Variants in MMP16 observed in about 807,000 individuals in gnomAD.
The protein encoded by MMP16 is matrix metalloproteinase-16.
In MMP16, 12 loss-of-function variants were observed where a neutral mutation model predicts 67.8. The ratio of observed to expected loss-of-function variants is 0.18; its 90% CI spans 0.11 to 0.29. MMP16 has a LOEUF of 0.29. Among genes scored for constraint, MMP16 ranks in the 10% least tolerant of loss-of-function variants. The pLI is 1.00. For synonymous variants in MMP16, 249 were observed against 255.9 expected, an observed-to-expected ratio of 0.97 and a Z score of 0.26; for missense variants, 475 against 765.7, an observed-to-expected ratio of 0.62 and a Z score of 4.48.
intron 6 of MMP16, among the ~76,000 whole-genome samples, chr8:88,089,300 C>G (rs1808894380): frequency 6.6e-6 from 1 of 151,894 alleles, no homozygotes; most frequent in African/African-American, 2.4e-5. Context: ...ACGTATCACA[C>G]AAAAGGAAAG....
At chr8:88,103,956 A>G (rs990465649) in intron 6 of MMP16, among the ~76,000 whole-genome samples, 4 of 151,834 alleles carry the variant, frequency 2.6e-5, no homozygotes, top group African/African-American at 9.7e-5. Flanking sequence ...AGGTTAAATT[A>G]TATTATTGAA....
intron 6 of MMP16, among the ~76,000 whole-genome samples, chr8:88,108,564 T>C (rs141452142): frequency 2.0e-5 from 3 of 151,402 alleles, no homozygotes; most frequent in Non-Finnish European, 4.4e-5. Flanking sequence ...CCTGAAAAAC[T>C]GAGGACTGAA....
chr8:88,072,982 G>A (rs1462752227), intron 7 of MMP16, among the ~76,000 whole-genome samples: 2 of 152,162 alleles, frequency 1.3e-5, no homozygotes, highest in African/African-American at 4.8e-5. Flanking sequence ...AAGGCCCCGA[G>A]GCCATAAAGA....
rs193143097 is a variant in MMP16 at position 88,282,467 on chromosome 8, T to C, written c.132+44608A>G. Among the ~76,000 whole-genome samples the C allele has an allele frequency of 3.5e-3, 530 of 152,334 alleles. 4 individuals carry two copies. The highest frequency in any genetic ancestry group is 4.7e-3 in the Non-Finnish European group (320 of 68,030). On this transcript the variant is annotated intron_variant, in intron 1 of 9. Coordinates refer to ENST00000286614, the MANE Select transcript of MMP16 (RefSeq NM_005941.5). ...TTCAATAGAATCTATGAGGGTTCTG[T>C]AGGAATACTAAAACATATTAAAAAC... is the stretch of plus-strand genomic sequence containing the variant.
intron 4 of MMP16, among the ~76,000 whole-genome samples, chr8:88,165,707 A>G (rs551111894): frequency 7.2e-5 from 11 of 152,240 alleles, no homozygotes; most frequent in Admixed American, 3.9e-4. Context: ...TTATTATTAG[A>G]TGCTCAGGTA....
At chr8:88,256,370 G>A (rs1191667387) in intron 1 of MMP16, among the ~76,000 whole-genome samples, 1 of 151,948 alleles carries the variant, frequency 6.6e-6, no homozygotes, top group Non-Finnish European at 1.5e-5. Context: ...AAAACTGAAT[G>A]GTCAAATCGA....
chr8:88,142,084 T>C (rs1220827146), intron 4 of MMP16, among the ~76,000 whole-genome samples: 1 of 151,720 alleles, frequency 6.6e-6, no homozygotes, highest in African/African-American at 2.4e-5. Flanking sequence ...TTTTTTTTTG[T>C]ATTTTAGTAG....
chr8:88,258,818 C>G (rs1440708527), intron 1 of MMP16, among the ~76,000 whole-genome samples: 1 of 152,126 alleles, frequency 6.6e-6, no homozygotes, highest in Non-Finnish European at 1.5e-5. Context: ...AGTTGGAATA[C>G]TGCAGAAAGA....
chr8:88,206,686 T>C (rs185491651), intron 1 of MMP16, among the ~76,000 whole-genome samples: 99 of 152,370 alleles, frequency 6.5e-4, no homozygotes, highest in Non-Finnish European at 9.0e-4. Flanking sequence ...CAGTGTTTAA[T>C]ATCAGAAGTG....
chr8:88,240,969 C>T (rs1463406062), intron 1 of MMP16, among the ~76,000 whole-genome samples: 1 of 152,022 alleles, frequency 6.6e-6, no homozygotes, highest in Middle Eastern at 3.2e-3. Context: ...ATTGTTTCCT[C>T]CTTTCTACAT....
chr8:88,157,537 T>G (rs1411390692), intron 4 of MMP16, among the ~76,000 whole-genome samples: 1 of 151,950 alleles, frequency 6.6e-6, no homozygotes, highest in Non-Finnish European at 1.5e-5. Flanking sequence ...AGTCATGTGT[T>G]GATGCTAAGC....
At chr8:88,173,337 C>G (rs1459277982) in intron 3 of MMP16, among the ~76,000 whole-genome samples, 4 of 152,090 alleles carry the variant, frequency 2.6e-5, no homozygotes, top group African/African-American at 4.8e-5. Context: ...CAGTTGTGAG[C>G]CACCGGTCCC....
chr8:88,303,529 G>A (rs1811165027), intron 1 of MMP16, among the ~76,000 whole-genome samples: 1 of 152,182 alleles, frequency 6.6e-6, no homozygotes, highest in Admixed American at 6.5e-5. Context: ...CCCAACAGGG[G>A]TCTCCAGACA....
Position 88,039,397 on chromosome 8 carries a change from T to C in MMP16, c.*2064A>G, listed in dbSNP as rs1808101244. The C allele has an allele frequency of 6.6e-6, 1 of 152,484 alleles. No homozygotes were observed. The highest frequency in any genetic ancestry group is 1.5e-5 in the Non-Finnish European group (1 of 68,026). The allele number at this position is 152,484 out of a possible 1,614,324, so 9.4% of individuals were successfully genotyped here. A position where few individuals can be genotyped will look rare whatever the true frequency, so the allele number is the denominator to read the frequency against. ...AAAGTGTCCATCTGCAGATCTGCCA[T>C]CACCACTCTCTCCACTCTAAGGAAA... On this transcript the variant is annotated 3_prime_UTR_variant, in exon 10 of 10. Transcript: ENST00000286614. The surrounding 1 kb of genome is among the most constrained non-coding windows in gnomAD (Gnocchi z 4.5).
At chr8:88,154,418 G>A (rs1331039369) in intron 4 of MMP16, among the ~76,000 whole-genome samples, 9 of 140,246 alleles carry the variant, frequency 6.4e-5, no homozygotes, top group Non-Finnish European at 1.1e-4. Context: ...ACATGCACAC[G>A]TATGTTTATT....
At chr8:88,266,015 C>T in intron 1 of MMP16, among the ~76,000 whole-genome samples, 1 of 152,208 alleles carries the variant, frequency 6.6e-6, no homozygotes, top group East Asian at 1.9e-4. Context: ...AGAGCTTGCT[C>T]TATCCATATT....
chr8:88,223,558 T>C (rs1230738056), intron 1 of MMP16, among the ~76,000 whole-genome samples: 1 of 151,416 alleles, frequency 6.6e-6, no homozygotes, highest in Admixed American at 6.6e-5. Context: ...TGGATGAAGC[T>C]GGAAACCATC....
intron 1 of MMP16, among the ~76,000 whole-genome samples, chr8:88,270,196 TA>T (rs1400728583): frequency 6.6e-6 from 1 of 152,174 alleles, no homozygotes; most frequent in Non-Finnish European, 1.5e-5. Context: ...ACAGGATTAT[TA>T]AAATGCAGTA....
intron 4 of MMP16, among the ~76,000 whole-genome samples, chr8:88,163,599 C>T (rs553168250): frequency 4.6e-5 from 7 of 151,864 alleles, no homozygotes; most frequent in East Asian, 3.9e-4. Flanking sequence ...TTGGAGTATC[C>T]GTTTAAAATT....
Sources: gnomAD v4.1 joint callset for allele counts (sites outside exome capture counted in the v4.1 genomes callset) on GRCh38, gnomAD v4.1.1 for gene constraint, Gnocchi (gnomAD v3.1) non-coding constraint, MANE v1.5 for transcripts, NCBI Gene and HGNC (gene_info 2026-07-23, HGNC 2026-07-21) for gene names.